Variants in ATRNL1 observed in about 807,000 individuals in gnomAD.
ATRNL1 encodes attractin-like protein 1.
Under a neutral mutation model 182.7 loss-of-function variants are expected in ATRNL1, and 95 were observed. The observed-to-expected ratio is 0.52, with a 90% CI of 0.44 to 0.62. The LOEUF (loss-of-function observed/expected upper bound fraction) is 0.62, where lower values mean the gene tolerates loss of function less well. ATRNL1 is among the 20% of genes least tolerant of loss of function. ATRNL1 has a pLI of 0.00. For synonymous variants in ATRNL1, 576 were observed against 568.3 expected, an observed-to-expected ratio of 1.01 and a Z score of -0.19; for missense variants, 1,471 against 1,679.5, an observed-to-expected ratio of 0.88 and a Z score of 2.17.
chr10:115,143,749 C>T (rs939383742), intron 5 of ATRNL1, among the ~76,000 whole-genome samples: 7 of 152,106 alleles, frequency 4.6e-5, no homozygotes, highest in East Asian at 3.9e-4. Context: ...GGAGAGAGAA[C>T]GCACGTGAGA....
intron 24 of ATRNL1, among the ~76,000 whole-genome samples, chr10:115,504,526 A>G (rs1473000670): frequency 6.6e-6 from 1 of 152,086 alleles, no homozygotes; most frequent in Non-Finnish European, 1.5e-5. Flanking sequence ...TTATGGAAGC[A>G]AAGATTATTT....
At chr10:115,115,263 G>C (rs1188307442) in intron 1 of ATRNL1, among the ~76,000 whole-genome samples, 6 of 152,022 alleles carry the variant, frequency 3.9e-5, no homozygotes, top group Non-Finnish European at 8.8e-5. Context: ...AAAAATATTG[G>C]TCAAAGGGTG....
chr10:115,447,284 A>G (rs1466110528), intron 21 of ATRNL1, among the ~76,000 whole-genome samples: 3 of 151,664 alleles, frequency 2.0e-5, no homozygotes, highest in African/African-American at 7.2e-5. Flanking sequence ...TTTGCTTTGG[A>G]TTTTTTAAAA....
intron 25 of ATRNL1, among the ~76,000 whole-genome samples, chr10:115,547,533 T>TCAGGAAAA (rs1852737682): frequency 6.6e-6 from 1 of 151,946 alleles, no homozygotes; most frequent in Admixed American, 6.6e-5. Context: ...GTAGTTGAAA[T>TCAGGAAAA]CAGGAAAATA....
chr10:115,731,087 C>G (rs1339924193), intron 27 of ATRNL1, among the ~76,000 whole-genome samples: 1 of 152,096 alleles, frequency 6.6e-6, no homozygotes, highest in Non-Finnish European at 1.5e-5. Context: ...CTTTCCCAGC[C>G]CACTGACTCA....
At chr10:115,911,584 GATTAAAGC>G (rs1275383099) in intron 28 of ATRNL1, among the ~76,000 whole-genome samples, 4 of 152,192 alleles carry the variant, frequency 2.6e-5, no homozygotes, top group Admixed American at 2.0e-4. Context: ...AAAGTGCTGG[GATTAAAGC>G]CGTGAGCCAC....
At chr10:115,706,481 G>T (rs1372063272) in intron 26 of ATRNL1, among the ~76,000 whole-genome samples, 1 of 151,642 alleles carries the variant, frequency 6.6e-6, no homozygotes, top group African/African-American at 2.4e-5. Context: ...GATTTTTTGG[G>T]GGTGGGCATT....
chr10:115,100,004 T>A (rs946781102), intron 1 of ATRNL1, among the ~76,000 whole-genome samples: 1 of 152,216 alleles, frequency 6.6e-6, no homozygotes, highest in Non-Finnish European at 1.5e-5. Flanking sequence ...AAGAAAAGTT[T>A]GCCTAGGCTG....
chr10:115,661,550 C>T lies in ATRNL1; in HGVS notation c.3796-65698C>T, dbSNP rs77017373. On this transcript the variant is annotated intron_variant, in intron 26 of 28. Coordinates refer to ENST00000355044, the MANE Select transcript of ATRNL1 (RefSeq NM_207303.4). ...GTTCCAGTCAGAAGATGATTATGTG[C>T]AGAAAGCTTTTGCTTTTGTGACCCT... is the stretch of plus-strand genomic sequence containing the variant. 9.8e-3 allele frequency among the ~76,000 whole-genome samples: 1,498 copies of T among 152,174 alleles called. 18 individuals carry two copies. The highest frequency in any genetic ancestry group is 0.033 in the African/African-American group (1,376 of 41,528).
At chr10:115,729,500 TG>T (rs1947721635) in intron 27 of ATRNL1, among the ~76,000 whole-genome samples, 1 of 30,828 alleles carries the variant, frequency 3.2e-5, no homozygotes, top group African/African-American at 5.1e-5. Flanking sequence ...CCATTTTGTG[TG>T]TGTGTGTGTG....
chr10:115,159,310 G>T (rs1421751331), intron 5 of ATRNL1, among the ~76,000 whole-genome samples: 1 of 151,448 alleles, frequency 6.6e-6, no homozygotes. Context: ...CCCTTTAGGA[G>T]AATTCCTTCT....
chr10:115,326,901 A>G (rs1156646027), intron 18 of ATRNL1, among the ~76,000 whole-genome samples: 2 of 152,232 alleles, frequency 1.3e-5, no homozygotes, highest in South Asian at 2.1e-4. Flanking sequence ...CTGAAACTGG[A>G]TCCCTTCCTT....
chr10:115,262,669 A>G (rs1851440602), intron 10 of ATRNL1, among the ~76,000 whole-genome samples: 1 of 152,038 alleles, frequency 6.6e-6, no homozygotes, highest in Non-Finnish European at 1.5e-5. Flanking sequence ...AGAATATTTA[A>G]TCAAGAATCC....
chr10:115,597,448 C>G, intron 26 of ATRNL1: 1 of 324,128 alleles, frequency 3.1e-6, no homozygotes, highest in East Asian at 9.7e-5. Flanking sequence ...AAATATTTAT[C>G]TGTTGTGTGA....
intron 26 of ATRNL1, among the ~76,000 whole-genome samples, chr10:115,691,932 G>A (rs1946407616): frequency 6.6e-6 from 1 of 151,902 alleles, no homozygotes; most frequent in Admixed American, 6.6e-5. Context: ...TTTGCTGATT[G>A]TTTCCTTCGC....
chr10:115,144,062 C>A, intron 5 of ATRNL1, among the ~76,000 whole-genome samples: 1 of 151,188 alleles, frequency 6.6e-6, no homozygotes, highest in East Asian at 1.9e-4. Context: ...TCACTGCAAC[C>A]TCTGCCTCCC....
chr10:115,493,036 T>C (rs73371472), intron 24 of ATRNL1, among the ~76,000 whole-genome samples: 4,096 of 152,276 alleles, frequency 0.027, 217 homozygotes, highest in African/African-American at 0.094. Context: ...TCCATAAATA[T>C]ATAGAATTAT....
At chr10:115,717,548 C>CTCT (rs1947291276) in intron 26 of ATRNL1, among the ~76,000 whole-genome samples, 1 of 84,350 alleles carries the variant, frequency 1.2e-5, no homozygotes, top group African/African-American at 4.3e-5. Context: ...CTGAAATGTT[C>CTCT]TTTTTTTTTT....
At chr10:115,132,804 G>T (rs1454919678) in intron 5 of ATRNL1, among the ~76,000 whole-genome samples, 11 of 152,134 alleles carry the variant, frequency 7.2e-5, no homozygotes, top group East Asian at 5.8e-4. Flanking sequence ...TAAATTTGTT[G>T]GAGTTCTTTG....
Sources: allele counts gnomAD v4.1 joint callset (sites outside exome capture counted in the v4.1 genomes callset), GRCh38; gene constraint gnomAD v4.1.1; transcripts MANE v1.5; gene names NCBI Gene and HGNC (gene_info 2026-07-23, HGNC 2026-07-21).